The following MYO3B variants were observed in gnomAD, a reference collection of about 807,000 sequenced individuals.
MYO3B encodes myosin IIIB.
Under a neutral mutation model 174.6 loss-of-function variants are expected in MYO3B, and 156 were observed. The ratio of observed to expected loss-of-function variants is 0.89; its 90% CI spans 0.78 to 1.02. The LOEUF (loss-of-function observed/expected upper bound fraction) is 1.02, where lower values mean the gene tolerates loss of function less well. Among genes scored for constraint, MYO3B ranks in the 50% least tolerant of loss-of-function variants. MYO3B has a pLI of 0.00. For missense variants in MYO3B, 1,632 were observed against 1,639.4 expected (o/e 1.00, Z 0.08); for synonymous variants, 563 against 569.1 (o/e 0.99, Z 0.15).
At chr2:170,608,833 A>G (rs1694974111) in intron 32 of MYO3B, among the ~76,000 whole-genome samples, 1 of 152,146 alleles carries the variant, frequency 6.6e-6, no homozygotes, top group Admixed American at 6.5e-5. Flanking sequence ...TTAATTACCT[A>G]AGGAAAACTA....
intron 9 of MYO3B, among the ~76,000 whole-genome samples, chr2:170,379,598 T>G (rs10497364): frequency 0.64 from 97,571 of 152,116 alleles, 32,395 homozygotes; most frequent in Non-Finnish European, 0.72. Flanking sequence ...TTTAACAAAA[T>G]GGCTAGCTAG....
chr2:170,439,016 C>T (rs1020907469), intron 22 of MYO3B, among the ~76,000 whole-genome samples: 4 of 151,022 alleles, frequency 2.6e-5, no homozygotes, highest in African/African-American at 9.7e-5. Context: ...CTTCATATAC[C>T]GGTTAGCCAT....
chr2:170,497,448 G>C (rs1035978348), intron 25 of MYO3B, among the ~76,000 whole-genome samples: 118 of 152,006 alleles, frequency 7.8e-4, no homozygotes, highest in Non-Finnish European at 1.4e-3. Context: ...AACTCTGTCT[G>C]TACTAAAAAT....
chr2:170,416,114 C>T (rs1404324077), intron 22 of MYO3B, among the ~76,000 whole-genome samples: 1 of 152,052 alleles, frequency 6.6e-6, no homozygotes, highest in Non-Finnish European at 1.5e-5. Flanking sequence ...AGGAGAACAC[C>T]CTGTGAAGAT....
chr2:170,635,284 A>T (rs976499657), intron 32 of MYO3B, among the ~76,000 whole-genome samples: 1 of 152,248 alleles, frequency 6.6e-6, no homozygotes, highest in African/African-American at 2.4e-5. Flanking sequence ...ATGCAGCCAT[A>T]AAAAATGATG....
intron 30 of MYO3B, among the ~76,000 whole-genome samples, chr2:170,528,682 A>G (rs774812352): frequency 5.3e-5 from 8 of 152,218 alleles, no homozygotes; most frequent in Non-Finnish European, 1.2e-4. Flanking sequence ...CTGAGATTGC[A>G]TGCATGAGAA....
intron 32 of MYO3B, among the ~76,000 whole-genome samples, chr2:170,590,307 C>T (rs563704751): frequency 6.6e-6 from 1 of 152,218 alleles, no homozygotes; most frequent in East Asian, 1.9e-4. Context: ...GGGTTTCTTT[C>T]TCAAAAGTTC....
Position 170,381,924 on chromosome 2 carries a change from G to T in MYO3B, c.972-92G>T, listed in dbSNP as rs1473132807. On this transcript the variant is annotated intron_variant, in intron 9 of 34. Transcript: ENST00000408978. Reference sequence around the variant, plus strand: ...TCTCTGAAGTCTCTGAACATATCACGTGATAAGATTGTGAATGAGCCATGC... The same window carrying T: ...TCTCTGAAGTCTCTGAACATATCACTTGATAAGATTGTGAATGAGCCATGC... 4.8e-6 allele frequency: 5 copies of T among 1,032,876 alleles called. No homozygotes were observed. The East Asian group carries it at 1.0e-4, about 21-fold the overall frequency. The allele number at this position is 1,032,876 out of a possible 1,614,324, so 64.0% of individuals were successfully genotyped here.
intron 28 of MYO3B, among the ~76,000 whole-genome samples, chr2:170,504,674 A>G (rs1687506191): frequency 6.6e-6 from 1 of 152,000 alleles, no homozygotes; most frequent in South Asian, 2.1e-4. Flanking sequence ...ACCATTAGGA[A>G]CTCTGTGTCC....
intron 30 of MYO3B, among the ~76,000 whole-genome samples, chr2:170,534,323 T>C (rs572497518): frequency 3.3e-5 from 5 of 152,330 alleles, no homozygotes; most frequent in Non-Finnish European, 7.4e-5. Flanking sequence ...AGCCAAAAAA[T>C]GTGTGTGACT....
intron 7 of MYO3B, chr2:170,334,150 G>T (rs1451386461): frequency 1.3e-5 from 2 of 152,206 alleles, no homozygotes; most frequent in African/African-American, 4.8e-5. Flanking sequence ...AAAGAAGGGG[G>T]AAGGAGAAGA....
At chr2:170,459,629 G>A (rs1236923579) in intron 23 of MYO3B, among the ~76,000 whole-genome samples, 1 of 152,180 alleles carries the variant, frequency 6.6e-6, no homozygotes, top group Non-Finnish European at 1.5e-5. Flanking sequence ...CCACACTCCT[G>A]CACTCCTCAG....
chr2:170,193,212 GA>G (rs1339584066), intron 1 of MYO3B, among the ~76,000 whole-genome samples: 2 of 151,812 alleles, frequency 1.3e-5, no homozygotes, highest in African/African-American at 4.8e-5. Context: ...GCTTATTATT[GA>G]TTTAAAGTCT....
At chr2:170,294,667 A>C (rs1341558950) in intron 7 of MYO3B, among the ~76,000 whole-genome samples, 5 of 152,158 alleles carry the variant, frequency 3.3e-5, no homozygotes, top group Non-Finnish European at 5.9e-5. Context: ...ACTTATTAAA[A>C]ATTCTCATAC....
chr2:170,401,270 C>G (rs2094474222), intron 17 of MYO3B, among the ~76,000 whole-genome samples: 1 of 151,736 alleles, frequency 6.6e-6, no homozygotes, highest in African/African-American at 2.4e-5. Context: ...TTTTTTTCAT[C>G]AAGCATCTAT....
intron 28 of MYO3B, among the ~76,000 whole-genome samples, chr2:170,502,833 C>T (rs996754429): frequency 6.6e-6 from 1 of 152,214 alleles, no homozygotes; most frequent in Non-Finnish European, 1.5e-5. Context: ...AAAGAAGTCC[C>T]TCCTCGGAAC....
At chr2:170,491,349 T>C (rs1388138265) in intron 25 of MYO3B, among the ~76,000 whole-genome samples, 1 of 152,242 alleles carries the variant, frequency 6.6e-6, no homozygotes. Context: ...TCCAGATATC[T>C]TTCTGTTGTT....
rs1559206617 is a variant in MYO3B, at chr2:170,652,227, A to C, written c.3887+73A>C. 37 of 1,381,732 alleles carry C rather than the reference A, an allele frequency of 2.7e-5. No individual in the cohort carries two copies. The South Asian group carries it at 4.3e-4, about 16-fold the overall frequency. 85.6% of individuals were successfully genotyped at this position (1,381,732 alleles called of 1,614,324 possible). A position where few individuals can be genotyped will look rare whatever the true frequency, so the allele number is the denominator to read the frequency against. ...CCTTTGTGATATTACAGAAAATGCAAAACTTTCCAGAGAGGCTTCTAAAAA... is the reference window on the plus strand; with the variant it reads ...CCTTTGTGATATTACAGAAAATGCACAACTTTCCAGAGAGGCTTCTAAAAA... On this transcript the variant is annotated intron_variant, in intron 34 of 34. Coordinates refer to ENST00000408978, the MANE Select transcript of MYO3B (RefSeq NM_138995.5).
At chr2:170,394,199 C>T (rs577073529) in intron 16 of MYO3B, among the ~76,000 whole-genome samples, 5 of 152,252 alleles carry the variant, frequency 3.3e-5, no homozygotes, top group African/African-American at 9.6e-5. Context: ...TATTGGAATG[C>T]TAAACATGTG....
Sources: allele counts gnomAD v4.1 joint callset (sites outside exome capture counted in the v4.1 genomes callset), GRCh38; gene constraint gnomAD v4.1.1; transcripts MANE v1.5; gene names NCBI Gene and HGNC (gene_info 2026-07-23, HGNC 2026-07-21).